Variants in GRID2 observed in about 807,000 individuals in gnomAD.
The protein encoded by GRID2 is glutamate ionotropic receptor delta type subunit 2, also known as glutamate receptor ionotropic, delta-2.
A neutral mutation model predicts 114.8 loss-of-function variants in GRID2; 33 were observed. The ratio of observed to expected loss-of-function variants is 0.29; its 90% CI spans 0.22 to 0.38. The LOEUF (loss-of-function observed/expected upper bound fraction) is 0.38. GRID2 is among the 10% of genes least tolerant of loss of function. GRID2 has a pLI of 1.00. For missense variants in GRID2, 1,184 were observed against 1,257.7 expected (o/e 0.94, Z 0.89); for synonymous variants, 505 against 449.9 (o/e 1.12, Z -1.55).
intron 4 of GRID2, among the ~76,000 whole-genome samples, chr4:93,123,267 A>T (rs920513131): frequency 1.3e-5 from 2 of 152,162 alleles, no homozygotes; most frequent in Non-Finnish European, 2.9e-5. Context: ...GTTCTTAAAT[A>T]AGTCAATCAT....
chr4:93,200,999 G>C (rs896595906), intron 4 of GRID2, among the ~76,000 whole-genome samples: 3 of 152,024 alleles, frequency 2.0e-5, no homozygotes, highest in Non-Finnish European at 4.4e-5. Flanking sequence ...TGATTCTATT[G>C]TGTGGGCACT....
chr4:92,604,933 G>A (rs1729381555), intron 2 of GRID2, among the ~76,000 whole-genome samples: 1 of 151,942 alleles, frequency 6.6e-6, no homozygotes, highest in Non-Finnish European at 1.5e-5. Flanking sequence ...ATTGAATCAT[G>A]CGGGCAGTTT....
chr4:93,480,651 G>C (rs1227722706), intron 11 of GRID2, among the ~76,000 whole-genome samples: 2 of 152,004 alleles, frequency 1.3e-5, no homozygotes, highest in African/African-American at 2.4e-5. Flanking sequence ...ATCTCTTATA[G>C]TTAGTCATCC....
At chr4:92,938,758 C>T (rs1208321792) in intron 2 of GRID2, among the ~76,000 whole-genome samples, 3 of 135,268 alleles carry the variant, frequency 2.2e-5, no homozygotes, top group Admixed American at 8.7e-5. Flanking sequence ...TGTTCCCCTT[C>T]CTGTGTCCAT....
intron 2 of GRID2, among the ~76,000 whole-genome samples, chr4:92,642,847 T>G (rs1731424757): frequency 6.6e-6 from 1 of 151,696 alleles, no homozygotes; most frequent in Admixed American, 6.6e-5. Flanking sequence ...TGGTAAAATT[T>G]AAGGGTCCAC....
Position 93,502,152 on chromosome 4 carries a change from G to A in GRID2, c.1997+11375G>A, listed in dbSNP as rs962005911. On this transcript the variant is annotated intron_variant, in intron 12 of 15. Transcript: ENST00000282020. ...ATCAGCAAGACTGGAGTTGGCAGCC[G>A]GGGCTGTTTGGCAGAAGAATACTAT... Among the ~76,000 whole-genome samples the A allele has an allele frequency of 9.2e-5, 14 of 151,936 alleles. No homozygotes were observed. In the South Asian group the frequency reaches 1.9e-3, roughly 20 times the overall value.
At chr4:93,119,054 T>C (rs1733540471) in intron 4 of GRID2, among the ~76,000 whole-genome samples, 1 of 152,204 alleles carries the variant, frequency 6.6e-6, no homozygotes, top group Non-Finnish European at 1.5e-5. Context: ...TTTTCTTTTT[T>C]TTCTGTCCCT....
At chr4:93,482,527 C>T (rs193117161) in intron 11 of GRID2, among the ~76,000 whole-genome samples, 3 of 151,790 alleles carry the variant, frequency 2.0e-5, no homozygotes, top group Non-Finnish European at 2.9e-5. Context: ...CACAGCGGGG[C>T]GTGTCGAGGG....
chr4:92,423,322 T>C (rs1341140155), intron 1 of GRID2, among the ~76,000 whole-genome samples: 1 of 152,112 alleles, frequency 6.6e-6, no homozygotes, highest in Non-Finnish European at 1.5e-5. Flanking sequence ...CAGAGATGAG[T>C]AAGAATGGAA....
intron 1 of GRID2, among the ~76,000 whole-genome samples, chr4:93,800,030 C>T (rs773691965): frequency 5.3e-5 from 8 of 152,152 alleles, no homozygotes; most frequent in Non-Finnish European, 1.2e-4. Context: ...AAAATGAAAG[C>T]TCCTATGTTT....
rs191159469 is a variant in GRID2 at position 92,688,273 on chromosome 4, C to T, written c.244+97987C>T. 2.9e-3 allele frequency among the ~76,000 whole-genome samples: 437 copies of T among 151,746 alleles called. 2 individuals carry two copies. The highest frequency in any genetic ancestry group is 0.014 in the Middle Eastern group (4 of 294). On this transcript the variant is annotated intron_variant, in intron 2 of 15. Coordinates refer to ENST00000282020, the MANE Select transcript of GRID2 (RefSeq NM_001510.4). ...CTATTTTGGCCAGGCTGGTCTCGAA[C>T]TCCCGACCTCAGGTGATCTGCCCTC... is the stretch of plus-strand genomic sequence containing the variant.
intron 13 of GRID2, among the ~76,000 whole-genome samples, chr4:93,595,845 G>T (rs967651254): frequency 3.3e-5 from 5 of 151,984 alleles, no homozygotes; most frequent in Non-Finnish European, 7.4e-5. Flanking sequence ...TGCTCTTCAG[G>T]TACCACATTA....
chr4:93,377,931 A>C (rs1056798801), intron 8 of GRID2, among the ~76,000 whole-genome samples: 7 of 152,196 alleles, frequency 4.6e-5, no homozygotes, highest in African/African-American at 1.7e-4. Context: ...CTACATGTAT[A>C]TCTTGACTTA....
chr4:92,620,930 C>T lies in GRID2; in HGVS notation c.244+30644C>T, dbSNP rs148168154. On this transcript the variant is annotated intron_variant, in intron 2 of 15. Transcript: ENST00000282020. The stretch of plus-strand genomic sequence containing the variant: ...CATATTGTGCACATGTACCCTAAAA[C>T]TTAAAGTATAATAATAATAATAATA... Among the ~76,000 whole-genome samples, 1,007 of 142,740 alleles carry T rather than the reference C, an allele frequency of 7.1e-3. 15 individuals carry two copies. Among genetic ancestry groups the T allele is most frequent in the East Asian group, 0.069 (328 of 4,766 alleles). The allele number at this position is 142,740 out of a possible 152,430, so 93.6% of individuals were successfully genotyped here. A position where few individuals can be genotyped will look rare whatever the true frequency, so the allele number is the denominator to read the frequency against.
At chr4:92,414,144 CT>C (rs1474110055) in intron 1 of GRID2, among the ~76,000 whole-genome samples, 1 of 152,146 alleles carries the variant, frequency 6.6e-6, no homozygotes, top group Non-Finnish European at 1.5e-5. Flanking sequence ...GCTTGAGAAT[CT>C]TGCTGCACCT....
chr4:92,951,465 T>G (rs1333034059), intron 2 of GRID2, among the ~76,000 whole-genome samples: 1 of 151,954 alleles, frequency 6.6e-6, no homozygotes, highest in Admixed American at 6.6e-5. Flanking sequence ...CTCAGCCTCC[T>G]GAGGAGCTTG....
At chr4:93,380,505 A>AATTTTC (rs1265533161) in intron 8 of GRID2, among the ~76,000 whole-genome samples, 10 of 151,350 alleles carry the variant, frequency 6.6e-5, no homozygotes, top group South Asian at 2.1e-4. Context: ...AAGCATAGAT[A>AATTTTC]ATTTTCAATT....
At chr4:92,305,798 G>C (rs1278074211) in intron 1 of GRID2, among the ~76,000 whole-genome samples, 1 of 152,196 alleles carries the variant, frequency 6.6e-6, no homozygotes, top group Non-Finnish European at 1.5e-5. Context: ...CGGGAGACAG[G>C]CTCTTGCAGC....
chr4:92,945,432 T>A (rs1439529441), intron 2 of GRID2, among the ~76,000 whole-genome samples: 2 of 152,214 alleles, frequency 1.3e-5, no homozygotes, highest in Non-Finnish European at 2.9e-5. Flanking sequence ...ATGTTTTTGC[T>A]GCTCTAGAAA....
Sources: gnomAD v4.1 joint callset for allele counts (sites outside exome capture counted in the v4.1 genomes callset) on GRCh38, gnomAD v4.1.1 for gene constraint, MANE v1.5 for transcripts, NCBI Gene and HGNC (gene_info 2026-07-23, HGNC 2026-07-21) for gene names.